CDH13: variants seen among roughly 807,000 people sequenced by gnomAD.
The protein encoded by CDH13 is cadherin-13.
Under a neutral mutation model 63.8 loss-of-function variants are expected in CDH13, and 24 were observed. The observed-to-expected ratio is 0.38, with a 90% CI of 0.27 to 0.53. The LOEUF (loss-of-function observed/expected upper bound fraction) is 0.53. Among genes scored for constraint, CDH13 ranks in the 20% least tolerant of loss-of-function variants. The pLI, the probability that CDH13 is intolerant of heterozygous loss-of-function variation, is 0.85. For synonymous variants in CDH13, 503 were observed against 355.3 expected (o/e 1.42, Z -4.67); for missense variants, 1,049 against 903.1 (o/e 1.16, Z -2.07).
intron 7 of CDH13, among the ~76,000 whole-genome samples, chr16:83,489,511 T>G (rs562913289): frequency 1.6e-4 from 24 of 152,342 alleles, no homozygotes; most frequent in African/African-American, 5.5e-4. Context: ...TAGTTCCTTG[T>G]GCTGTGATAA....
At chr16:83,545,391 G>A (rs187414968) in intron 7 of CDH13, among the ~76,000 whole-genome samples, 36 of 152,298 alleles carry the variant, frequency 2.4e-4, no homozygotes, top group African/African-American at 6.5e-4. Context: ...AATTTTCACC[G>A]TAACCAGCTT....
chr16:83,365,642 C>T (rs983269811), intron 6 of CDH13, among the ~76,000 whole-genome samples: 4 of 152,084 alleles, frequency 2.6e-5, no homozygotes, highest in Admixed American at 1.3e-4. Context: ...GGAGGTTACC[C>T]GGGATTATCC....
intron 1 of CDH13, among the ~76,000 whole-genome samples, chr16:82,656,016 TGA>T (rs1316680101): frequency 2.0e-5 from 3 of 152,038 alleles, no homozygotes; most frequent in African/African-American, 4.8e-5. Context: ...AAACTTCAGC[TGA>T]GAGTTACCGT....
rs1340526043 is a variant in CDH13, at chr16:83,542,997, G to C, written c.960+56342G>C. Among the ~76,000 whole-genome samples the C allele has an allele frequency of 2.0e-5, 3 of 152,222 alleles. No individual in the cohort carries two copies. In the East Asian group the frequency reaches 5.8e-4, roughly 29 times the overall value. ...TACAACAGCAAGTGATACTGATGCT[G>C]CTGGTCTAGCAACCCCAGCTTGAGA... On this transcript the variant is annotated intron_variant, in intron 7 of 13. Coordinates refer to ENST00000567109, the MANE Select transcript of CDH13 (RefSeq NM_001257.5).
chr16:82,798,695 G>A (rs952153157), intron 1 of CDH13, among the ~76,000 whole-genome samples: 1 of 152,136 alleles, frequency 6.6e-6, no homozygotes, highest in Non-Finnish European at 1.5e-5. Flanking sequence ...CCATAGGCTA[G>A]CCTGTTTGGG....
rs1013188813 is a variant in CDH13 at position 83,796,753 on chromosome 16, T to A, written c.*1723T>A. On this transcript the variant is annotated 3_prime_UTR_variant, in exon 14 of 14. Coordinates refer to ENST00000567109, the MANE Select transcript of CDH13 (RefSeq NM_001257.5). ...AGTCTATGAAGACAGAAGTACCAGT[T>A]CTCAGCATGGGCCATGGACTCATCT... 1 of 152,200 alleles carries A rather than the reference T, an allele frequency of 6.6e-6. No individual in the cohort carries two copies. The highest frequency in any genetic ancestry group is 1.5e-5 in the Non-Finnish European group (1 of 68,032). The allele number at this position is 152,200 out of a possible 1,614,324, so 9.4% of individuals were successfully genotyped here.
At position 83,602,489 on chromosome 16, in the gene CDH13, G is replaced by T. The variant is rs1213131131; in HGVS notation, c.996G>T (p.Glu332Asp). ...LENPKYELII[E>D]AQDMAGLDVG... is the part of the protein sequence containing the mutation. ...ATCCCAAGTATGAACTGATCATCGA[G>T]GCTCAAGATATGGCTGGACTGGATG... is the stretch of plus-strand genomic sequence containing the variant. The change falls in exon 8 of 14, where the codon GAG becomes GAT. Residue 332 changes from glutamate to aspartate, a missense_variant. Physicochemically the swap from Glu to Asp is conservative, Grantham distance 45. Coordinates refer to ENST00000567109, the MANE Select transcript of CDH13 (RefSeq NM_001257.5). 2 of 1,613,870 alleles carry T rather than the reference G, an allele frequency of 1.2e-6. No homozygotes were observed. Among genetic ancestry groups the T allele is most frequent in the Admixed American group, 3.3e-5 (2 of 60,016 alleles).
chr16:83,705,556 A>G (rs2150914987), intron 10 of CDH13, among the ~76,000 whole-genome samples: 1 of 152,276 alleles, frequency 6.6e-6, no homozygotes, highest in East Asian at 1.9e-4. Flanking sequence ...CGGGAGGCGG[A>G]GCTTGCAGTG....
chr16:83,160,557 A>G (rs930280252), intron 4 of CDH13, among the ~76,000 whole-genome samples: 1 of 152,174 alleles, frequency 6.6e-6, no homozygotes, highest in Admixed American at 6.5e-5. Context: ...CACATTTAGC[A>G]TACTGTCAAT....
intron 10 of CDH13, among the ~76,000 whole-genome samples, chr16:83,717,611 C>T (rs1004673898): frequency 6.6e-6 from 1 of 152,236 alleles, no homozygotes; most frequent in African/African-American, 2.4e-5. Context: ...TTAATGATCA[C>T]GGGGACGCTG....
In CDH13 at chr16:82,982,672, G is replaced by C. The variant is rs192806647; in HGVS notation, c.158-49338G>C. ...AAAGTAATGGCAAAAACCACCATTA[G>C]TTTTGCACCAACCTAGTAGTTGCAG... is the stretch of plus-strand genomic sequence containing the variant. On this transcript the variant is annotated intron_variant, in intron 2 of 13. Transcript: ENST00000567109. Among the ~76,000 whole-genome samples, 325 of 152,272 alleles carry C rather than the reference G, an allele frequency of 2.1e-3. 2 individuals carry two copies. The highest frequency in any genetic ancestry group is 0.017 in the Middle Eastern group (5 of 294).
At chr16:83,388,149 A>G (rs2091712054) in intron 6 of CDH13, among the ~76,000 whole-genome samples, 2 of 152,020 alleles carry the variant, frequency 1.3e-5, no homozygotes, top group South Asian at 2.1e-4. Context: ...AGTGTTTTAT[A>G]ATATTTAAGA....
intron 2 of CDH13, among the ~76,000 whole-genome samples, chr16:83,013,701 G>A (rs976936919): frequency 6.6e-6 from 1 of 152,198 alleles, no homozygotes; most frequent in Non-Finnish European, 1.5e-5. Flanking sequence ...CAATCTGACA[G>A]ATCACAAAAG....
At chr16:83,300,097 CAAAGG>C (rs2089697553) in intron 5 of CDH13, among the ~76,000 whole-genome samples, 1 of 152,124 alleles carries the variant, frequency 6.6e-6, no homozygotes, top group African/African-American at 2.4e-5. Context: ...AGCCCATACT[CAAAGG>C]GAAGAGATTA....
chr16:83,311,449 C>T (rs1197008711), intron 5 of CDH13, among the ~76,000 whole-genome samples: 1 of 152,184 alleles, frequency 6.6e-6, no homozygotes, highest in Admixed American at 6.5e-5. Context: ...TGAGTTTTCT[C>T]CTTATACCTT....
At chr16:83,342,375 G>A (rs79726456) in intron 5 of CDH13, among the ~76,000 whole-genome samples, 2,552 of 152,206 alleles carry the variant, frequency 0.017, 24 homozygotes, top group Non-Finnish European at 0.023. Flanking sequence ...GGTGTTCAGC[G>A]TGATGGCTGA....
chr16:82,856,186 C>T (rs286682), intron 1 of CDH13, among the ~76,000 whole-genome samples: 38,201 of 151,192 alleles, frequency 0.25, 5,118 homozygotes, highest in Middle Eastern at 0.31. Flanking sequence ...ACCATCCTGG[C>T]GAACACTGTG....
chr16:83,112,973 T>C (rs369135871), intron 3 of CDH13, among the ~76,000 whole-genome samples: 12 of 152,170 alleles, frequency 7.9e-5, no homozygotes, highest in African/African-American at 2.7e-4. Context: ...CTGGTACACA[T>C]GATTCTAGGA....
chr16:83,130,773 G>T (rs993960221), intron 4 of CDH13, among the ~76,000 whole-genome samples: 3 of 152,200 alleles, frequency 2.0e-5, no homozygotes, highest in Non-Finnish European at 4.4e-5. Flanking sequence ...TCAAGAGGGT[G>T]AATGGAGACA....
Sources: gnomAD v4.1 joint callset for allele counts (sites outside exome capture counted in the v4.1 genomes callset) on GRCh38, gnomAD v4.1.1 for gene constraint, MANE v1.5 for transcripts, NCBI Gene and HGNC (gene_info 2026-07-23, HGNC 2026-07-21) for gene names.